The following CCDC171 variants were observed in gnomAD, a reference collection of about 807,000 sequenced individuals.
The protein encoded by CCDC171 is coiled-coil domain containing 171.
A neutral mutation model predicts 168.2 loss-of-function variants in CCDC171; 177 were observed. The observed-to-expected ratio is 1.05, with a 90% confidence interval of 0.93 to 1.19. The LOEUF is 1.19. Ranked by LOEUF, CCDC171 falls within the 50% of genes most tolerant of loss-of-function variation. CCDC171 has a pLI of 0.00. For missense variants in CCDC171, 1,991 were observed against 1,539.0 expected (o/e 1.29, Z -4.91); for synonymous variants, 687 against 540.8 (o/e 1.27, Z -3.75).
the CCDC171 span, among the ~76,000 whole-genome samples, chr9:16,069,689 T>C: frequency 4.6e-5 from 7 of 152,230 alleles, no homozygotes; most frequent in African/African-American, 1.4e-4. Context: ...GCCTTGATTT[T>C]CACAGTGAGA....
chr9:15,734,057 G>C (rs1167539090), intron 16 of CCDC171, among the ~76,000 whole-genome samples: 1 of 152,112 alleles, frequency 6.6e-6, no homozygotes, highest in Non-Finnish European at 1.5e-5. Context: ...TTACAAGCGT[G>C]AGCCACTGTA....
rs181088057 is a variant in CCDC171 at position 15,604,261 on chromosome 9, C to T, written c.675+10089C>T. 7.2e-5 allele frequency among the ~76,000 whole-genome samples: 11 copies of T among 152,154 alleles called. No homozygotes were observed. In the East Asian group the frequency reaches 1.9e-3, roughly 27 times the overall value. ...GAAGCTCTTAAGTTTTTAATTAGAT[C>T]CCATTTGTCAATTTTTGCTTCTGTT... is the stretch of plus-strand genomic sequence containing the variant. On this transcript the variant is annotated intron_variant, in intron 6 of 25. Coordinates refer to ENST00000380701, the MANE Select transcript of CCDC171 (RefSeq NM_173550.4).
chr9:15,704,240 T>C (rs541940886), intron 11 of CCDC171, among the ~76,000 whole-genome samples: 1 of 152,198 alleles, frequency 6.6e-6, no homozygotes, highest in Non-Finnish European at 1.5e-5. Context: ...AATTAATTCA[T>C]TAATCAAGTG....
chr9:16,081,081 G>A, the CCDC171 span, among the ~76,000 whole-genome samples: 2 of 152,066 alleles, frequency 1.3e-5, no homozygotes, highest in Non-Finnish European at 2.9e-5. Context: ...TGCGAGTAGC[G>A]GGCCACCTCT....
intron 9 of CCDC171, among the ~76,000 whole-genome samples, chr9:15,674,246 CTCTTT>C (rs2049347786): frequency 1.3e-5 from 2 of 152,144 alleles, no homozygotes; most frequent in Admixed American, 6.5e-5. Context: ...TGATTCTTCT[CTCTTT>C]TCTTGTTTAT....
chr9:15,636,312 G>C (rs2046196400), intron 7 of CCDC171, among the ~76,000 whole-genome samples: 1 of 151,810 alleles, frequency 6.6e-6, no homozygotes, highest in Admixed American at 6.6e-5. Context: ...GATTACAGAA[G>C]GAATAAAAAT....
intron 6 of CCDC171, among the ~76,000 whole-genome samples, chr9:15,608,912 C>A (rs370788986): frequency 8.5e-6 from 1 of 117,374 alleles, no homozygotes; most frequent in Non-Finnish European, 1.6e-5. Context: ...GTCCTATGAT[C>A]ACAGCCCGGG....
chr9:15,954,186 T>G (rs1017373275), intron 25 of CCDC171, among the ~76,000 whole-genome samples: 3 of 151,676 alleles, frequency 2.0e-5, no homozygotes. Context: ...TGTTTATCTC[T>G]TCTCTAATCT....
At chr9:15,927,588 G>C (rs1826034007) in intron 25 of CCDC171, among the ~76,000 whole-genome samples, 1 of 151,676 alleles carries the variant, frequency 6.6e-6, no homozygotes, top group African/African-American at 2.4e-5. Context: ...TTACAATGCA[G>C]AGGACCATTC....
chr9:15,724,740 C>A, intron 13 of CCDC171, 36 bp from the exon 14 acceptor site: 1 of 1,491,384 alleles, frequency 6.7e-7, no homozygotes, highest in Non-Finnish European at 9.3e-7. Context: ...TGTTGGCTGG[C>A]CTTTCTACAA....
chr9:15,684,760 C>T (rs1244967207), intron 10 of CCDC171, among the ~76,000 whole-genome samples: 4 of 152,094 alleles, frequency 2.6e-5, no homozygotes, highest in Non-Finnish European at 5.9e-5. Context: ...TTTGTTATCT[C>T]ATTTTTCTTT....
At chr9:15,691,792 T>C (rs1014188952) in intron 10 of CCDC171, among the ~76,000 whole-genome samples, 2 of 152,050 alleles carry the variant, frequency 1.3e-5, no homozygotes, top group East Asian at 3.9e-4. Context: ...TCTTCCCACC[T>C]CAACCTGCTG....
At chr9:16,063,411 C>T (rs750938301), downstream of CCDC171, among the ~76,000 whole-genome samples, 1 of 152,094 alleles carries the variant, frequency 6.6e-6, no homozygotes, top group Non-Finnish European at 1.5e-5. Context: ...GCCCTCAAGA[C>T]GTGTTGAGTT....
At chr9:15,755,483 A>G (rs1377299922) in intron 18 of CCDC171, among the ~76,000 whole-genome samples, 2 of 152,198 alleles carry the variant, frequency 1.3e-5, no homozygotes, top group Admixed American at 6.5e-5. Flanking sequence ...AACCAATTCA[A>G]GTGTTTGTGA....
intron 4 of CCDC171, among the ~76,000 whole-genome samples, chr9:15,588,070 A>G (rs913887631): frequency 6.6e-6 from 1 of 152,038 alleles, no homozygotes; most frequent in Non-Finnish European, 1.5e-5. Flanking sequence ...CCCTGTCTCT[A>G]CTAAAAATAC....
At chr9:16,077,779 G>T in the CCDC171 span, among the ~76,000 whole-genome samples, 1 of 152,174 alleles carries the variant, frequency 6.6e-6, no homozygotes, top group African/African-American at 2.4e-5. Flanking sequence ...CACCTGACCT[G>T]CATTCCCTGA....
intron 6 of CCDC171, among the ~76,000 whole-genome samples, chr9:15,599,963 G>A (rs904091105): frequency 5.9e-5 from 9 of 151,738 alleles, no homozygotes; most frequent in South Asian, 2.1e-4. Context: ...TTGTGCATTC[G>A]TCACATAGTT....
At chr9:16,082,179 C>T in the CCDC171 span, among the ~76,000 whole-genome samples, 1 of 152,122 alleles carries the variant, frequency 6.6e-6, no homozygotes, top group Non-Finnish European at 1.5e-5. Context: ...GACAACTGCC[C>T]TTAGGAAAGG....
At chr9:15,582,332 G>C (rs1161535898) in intron 4 of CCDC171, among the ~76,000 whole-genome samples, 1 of 152,176 alleles carries the variant, frequency 6.6e-6, no homozygotes, top group African/African-American at 2.4e-5. Context: ...ACTGTTGGTG[G>C]GAGTGTAAAT....
Sources: allele counts gnomAD v4.1 joint callset (sites outside exome capture counted in the v4.1 genomes callset), GRCh38; gene constraint gnomAD v4.1.1; transcripts MANE v1.5; gene names NCBI Gene and HGNC (gene_info 2026-07-23, HGNC 2026-07-21).